Variants in ALPK1 observed in about 807,000 individuals in gnomAD.
The protein encoded by ALPK1 is alpha-protein kinase 1.
Under a neutral mutation model 120.6 loss-of-function variants are expected in ALPK1, and 110 were observed. The ratio of observed to expected loss-of-function variants is 0.91; its 90% CI spans 0.78 to 1.07. ALPK1 has a LOEUF of 1.07. ALPK1 is among the 50% of genes least tolerant of loss of function. The pLI, the probability that ALPK1 is intolerant of heterozygous loss-of-function variation, is 0.00. For missense variants in ALPK1, 1,498 were observed against 1,483.9 expected (o/e 1.01, Z -0.16); for synonymous variants, 582 against 560.3 (o/e 1.04, Z -0.55).
chr4:112,438,159 G>C (rs1354955114), intron 12 of ALPK1, among the ~76,000 whole-genome samples: 1 of 152,170 alleles, frequency 6.6e-6, no homozygotes, highest in Non-Finnish European at 1.5e-5. Context: ...GGAAGGTTTT[G>C]ACTCCAGAAT....
At chr4:112,397,823 T>A (rs76855982) in intron 4 of ALPK1, among the ~76,000 whole-genome samples, 22,906 of 152,058 alleles carry the variant, frequency 0.15, 2,407 homozygotes, top group African/African-American at 0.31. Context: ...GAGCAGCTTC[T>A]TAAAATATAT....
At chr4:112,300,474 G>A (rs1727738131) in intron 1 of ALPK1, among the ~76,000 whole-genome samples, 1 of 152,012 alleles carries the variant, frequency 6.6e-6, no homozygotes, top group South Asian at 2.1e-4. Flanking sequence ...TGCAGCTTTG[G>A]AAGATAAAAG....
At chr4:112,402,199 G>A (rs1394993888) in intron 4 of ALPK1, among the ~76,000 whole-genome samples, 1 of 152,190 alleles carries the variant, frequency 6.6e-6, no homozygotes, top group Non-Finnish European at 1.5e-5. Flanking sequence ...TTGTTATGCA[G>A]CAATAATTTC....
chr4:112,359,093 G>A (rs533138999), intron 2 of ALPK1: 40 of 735,710 alleles, frequency 5.4e-5, no homozygotes, highest in South Asian at 2.9e-4. Context: ...GGACAGCGCC[G>A]GATCCCAAGC....
rs1578578333 is a variant in ALPK1 at position 112,438,517 on chromosome 4, G to A, written c.3222G>A (p.Gly1074=). The A allele has an allele frequency of 1.2e-6, 2 of 1,613,614 alleles. No homozygotes were observed. Among genetic ancestry groups the A allele is most frequent in the African/African-American group, 1.3e-5 (1 of 74,874 alleles). Residue 1074 remains glycine (G), a synonymous_variant, in exon 13 of 16, where the codon GGG becomes GGA. Coordinates refer to ENST00000650871, the MANE Select transcript of ALPK1 (RefSeq NM_025144.4). Reference sequence around the variant, plus strand: ...GGAAAGACTATAAGGAGCAGAAGGGGCTCTGGCACCACTTCACTGATGTGG... The same window carrying A: ...GGAAAGACTATAAGGAGCAGAAGGGACTCTGGCACCACTTCACTGATGTGG... The part of the protein sequence containing the change: ...YVGKDYKEQK[G]LWHHFTDVER...
intron 2 of ALPK1, among the ~76,000 whole-genome samples, chr4:112,326,153 T>C (rs1209186266): frequency 6.6e-6 from 1 of 152,234 alleles, no homozygotes; most frequent in African/African-American, 2.4e-5. Context: ...CAGTCAGTTT[T>C]TCCTTCCCAA....
Position 112,350,010 on chromosome 4 carries a change from A to G in ALPK1, c.-100-27668A>G, listed in dbSNP as rs1055118464. ...ACTGAGACATGATTTGCCTAAAGCT[A>G]CTCAGCTAGTAAGTAGCAGAAATTT... On this transcript the variant is annotated intron_variant, in intron 2 of 15. Transcript: ENST00000650871. Among the ~76,000 whole-genome samples the G allele has an allele frequency of 5.3e-5, 8 of 152,328 alleles. No individual in the cohort carries two copies. In the East Asian group the frequency reaches 1.3e-3, roughly 26 times the overall value.
At chr4:112,422,853 C>T (rs182004411) in intron 5 of ALPK1, among the ~76,000 whole-genome samples, 2 of 152,218 alleles carry the variant, frequency 1.3e-5, no homozygotes, top group East Asian at 1.9e-4. Flanking sequence ...CTCCATGTGG[C>T]GGCCTCAGCT....
intron 2 of ALPK1, among the ~76,000 whole-genome samples, chr4:112,320,659 C>G (rs1728827458): frequency 2.0e-5 from 3 of 152,072 alleles, no homozygotes; most frequent in African/African-American, 7.2e-5. Context: ...ACTGTGAATT[C>G]ATCTGGTCCT....
At chr4:112,338,200 C>T (rs973339581) in intron 2 of ALPK1, among the ~76,000 whole-genome samples, 1 of 152,216 alleles carries the variant, frequency 6.6e-6, no homozygotes, top group African/African-American at 2.4e-5. Context: ...CTCCTGACTT[C>T]AGGTGATCCA....
intron 2 of ALPK1, among the ~76,000 whole-genome samples, chr4:112,355,859 C>T (rs982543314): frequency 2.0e-5 from 3 of 152,256 alleles, no homozygotes; most frequent in Non-Finnish European, 4.4e-5. Context: ...TCCGCGAAGT[C>T]TGAACTGCCT....
At chr4:112,427,355 GT>G (rs1734282142) in intron 8 of ALPK1, among the ~76,000 whole-genome samples, 2 of 148,356 alleles carry the variant, frequency 1.3e-5, no homozygotes, top group Non-Finnish European at 3.0e-5. Flanking sequence ...TTATATACAT[GT>G]TTGATATAAA....
intron 2 of ALPK1, among the ~76,000 whole-genome samples, chr4:112,353,592 G>T (rs980985043): frequency 5.3e-5 from 8 of 152,080 alleles, no homozygotes; most frequent in African/African-American, 1.9e-4. Flanking sequence ...AAGGGGCCGG[G>T]CATGGTAGCT....
chr4:112,373,815 T>C (rs1002961239), intron 2 of ALPK1, among the ~76,000 whole-genome samples: 3 of 152,230 alleles, frequency 2.0e-5, no homozygotes, highest in African/African-American at 7.2e-5. Context: ...CACCATACTA[T>C]AGTCTAGTAA....
intron 2 of ALPK1, among the ~76,000 whole-genome samples, chr4:112,363,298 A>G (rs1255277810): frequency 6.6e-6 from 1 of 152,172 alleles, no homozygotes; most frequent in Non-Finnish European, 1.5e-5. Context: ...ACAGAATAGC[A>G]GAATGGATAA....
intron 12 of ALPK1, among the ~76,000 whole-genome samples, chr4:112,436,586 C>T (rs555180575): frequency 5.3e-5 from 8 of 152,142 alleles, no homozygotes; most frequent in African/African-American, 1.2e-4. Context: ...TAGACAAAGA[C>T]GCAGAGAGAA....
At chr4:112,340,806 G>A (rs990219352) in intron 2 of ALPK1, among the ~76,000 whole-genome samples, 1 of 152,172 alleles carries the variant, frequency 6.6e-6, no homozygotes, top group African/African-American at 2.4e-5. Flanking sequence ...TTTTAAAACT[G>A]CACATGCACT....
rs1243976476 is a variant in ALPK1, at chr4:112,358,880, G to T, written c.-100-18798G>T. On this transcript the variant is annotated intron_variant, in intron 2 of 15. Transcript: ENST00000650871. Reference sequence around the variant, plus strand: ...AGGGTTCCGATGACTTTGCTGCCCTGGCGACCTGTCTTGGCCTCCTCTTTG... The same window carrying T: ...AGGGTTCCGATGACTTTGCTGCCCTTGCGACCTGTCTTGGCCTCCTCTTTG... 4 of 774,700 alleles carry T rather than the reference G, an allele frequency of 5.2e-6. No homozygotes were observed. The African/African-American group carries it at 6.8e-5, about 13-fold the overall frequency. The allele number at this position is 774,700 out of a possible 1,614,324, so 48.0% of individuals were successfully genotyped here. A position where few individuals can be genotyped will look rare whatever the true frequency, so the allele number is the denominator to read the frequency against.
At chr4:112,422,333 A>G (rs1340046048) in intron 5 of ALPK1, among the ~76,000 whole-genome samples, 1 of 152,148 alleles carries the variant, frequency 6.6e-6, no homozygotes, top group East Asian at 1.9e-4. Flanking sequence ...TTCTTCCTGT[A>G]CTTTATCTTG....
Sources: gnomAD v4.1 joint callset for allele counts (sites outside exome capture counted in the v4.1 genomes callset) on GRCh38, gnomAD v4.1.1 for gene constraint, MANE v1.5 for transcripts, NCBI Gene and HGNC (gene_info 2026-07-23, HGNC 2026-07-21) for gene names.